Variants in PPIE observed in about 807,000 individuals in gnomAD.
PPIE encodes the protein peptidyl-prolyl cis-trans isomerase E.
A neutral mutation model predicts 38.4 loss-of-function variants in PPIE; 20 were observed. The ratio of observed to expected loss-of-function variants is 0.52; its 90% CI spans 0.37 to 0.76. The LOEUF is 0.76. Among genes scored for constraint, PPIE ranks in the 30% least tolerant of loss-of-function variants. The pLI is 0.00. For missense variants in PPIE, 322 were observed against 385.8 expected, an observed-to-expected ratio of 0.83 and a Z score of 1.39; for synonymous variants, 142 against 135.7, an observed-to-expected ratio of 1.05 and a Z score of -0.32.
intron 7 of PPIE, chr1:39,746,670 TACC>T (rs1382387159): frequency 2.6e-5 from 4 of 152,264 alleles, no homozygotes; most frequent in Admixed American, 6.5e-5. Flanking sequence ...TCTCCAGGAT[TACC>T]TGCACCCTTT....
At chr1:39,745,011 G>A (rs1415549808) in intron 6 of PPIE, among the ~76,000 whole-genome samples, 1 of 152,206 alleles carries the variant, frequency 6.6e-6, no homozygotes, top group Admixed American at 6.5e-5. Context: ...GACAGTGGGT[G>A]GGCTGGAACT....
At chr1:39,760,786 G>A (rs992064108), downstream of PPIE, among the ~76,000 whole-genome samples, 1 of 152,196 alleles carries the variant, frequency 6.6e-6, no homozygotes, top group African/African-American at 2.4e-5. Flanking sequence ...AGGGACACAT[G>A]GCAGGGGGTG....
chr1:39,754,002 T>C lies in PPIE; in HGVS notation c.*647T>C. On this transcript the variant is annotated 3_prime_UTR_variant, in exon 10 of 10. Transcript: ENST00000324379. Reference sequence around the variant, plus strand: ...TGGTTCATTTGTTTATTTGTTCACTTTCACCCTACAGATTTTAAAAAATGA... The same window carrying C: ...TGGTTCATTTGTTTATTTGTTCACTCTCACCCTACAGATTTTAAAAAATGA... 1 of 985,454 alleles carries C rather than the reference T, an allele frequency of 1.0e-6. No individual in the cohort carries two copies. Among genetic ancestry groups the C allele is most frequent in the Non-Finnish European group, 1.2e-6 (1 of 829,928 alleles). 61.0% of individuals were successfully genotyped at this position (985,454 alleles called of 1,614,324 possible).
intron 7 of PPIE, 185 bp from the exon 8 acceptor site, chr1:39,748,718 A>G (rs925210373): frequency 5.1e-6 from 3 of 591,742 alleles, no homozygotes; most frequent in Middle Eastern, 4.6e-4. Flanking sequence ...ATGGGCAACA[A>G]GAGTGAAACT....
intron 9 of PPIE, 49 bp from the exon 10 acceptor site, chr1:39,753,238 C>G (rs770697027): frequency 6.2e-7 from 1 of 1,609,224 alleles, no homozygotes; most frequent in South Asian, 1.1e-5. Flanking sequence ...TATCCCTAAA[C>G]CACTGTTAGT....
At chr1:39,751,421 G>T (rs1184346060) in intron 8 of PPIE, among the ~76,000 whole-genome samples, 1 of 152,144 alleles carries the variant, frequency 6.6e-6, no homozygotes, top group Non-Finnish European at 1.5e-5. Context: ...GTGCAGTGGT[G>T]CAAGACGGCT....
intron 6 of PPIE, among the ~76,000 whole-genome samples, chr1:39,744,966 C>T (rs1231608534): frequency 6.6e-6 from 1 of 152,154 alleles, no homozygotes; most frequent in African/African-American, 2.4e-5. Context: ...CACAGAGGGA[C>T]GAGGTGGTAC....
chr1:39,740,385 C>A, intron 2 of PPIE, 122 bp downstream of exon 2: 2 of 718,836 alleles, frequency 2.8e-6, no homozygotes, highest in South Asian at 1.9e-5. Context: ...CAGGTAAGTT[C>A]AGGAAGGTGT....
chr1:39,743,722 C>T, intron 5 of PPIE, 102 bp from the exon 6 acceptor site: 1 of 868,514 alleles, frequency 1.2e-6, no homozygotes. Flanking sequence ...AATTGTCTGG[C>T]ATACAGGCCA....
downstream of PPIE, chr1:39,760,547 C>A: frequency 6.2e-7 from 1 of 1,613,846 alleles, no homozygotes; most frequent in Non-Finnish European, 8.5e-7. Flanking sequence ...TTGGGGACTG[C>A]GTCTGGCATC....
chr1:39,754,992 C>G lies in PPIE; in HGVS notation c.*1637C>G. The G allele has an allele frequency of 1.0e-6, 1 of 985,196 alleles. No individual in the cohort carries two copies. Among genetic ancestry groups the G allele is most frequent in the South Asian group, 4.7e-5 (1 of 21,284 alleles). 61.0% of individuals were successfully genotyped at this position (985,196 alleles called of 1,614,324 possible). A position where few individuals can be genotyped will look rare whatever the true frequency, so the allele number is the denominator to read the frequency against. On this transcript the variant is annotated 3_prime_UTR_variant, in exon 10 of 10. Coordinates refer to ENST00000324379, the MANE Select transcript of PPIE (RefSeq NM_006112.4). ...GGCCTAAAATACTTACTATCTGAGC[C>G]TTTACAAAACAGGATTGCCAGCCAC...
rs1557461432 is a variant in PPIE at position 39,756,087 on chromosome 1, G to A, written c.*2732G>A. ...CTCTTCCAGGCCAGAAGGGAGGGGAGCCCCAGAGCTGGGCAGTGGCATGCC... is the reference window on the plus strand; with the variant it reads ...CTCTTCCAGGCCAGAAGGGAGGGGAACCCCAGAGCTGGGCAGTGGCATGCC... On this transcript the variant is annotated 3_prime_UTR_variant, in exon 10 of 10. Coordinates refer to ENST00000324379, the MANE Select transcript of PPIE (RefSeq NM_006112.4). The A allele has an allele frequency of 1.0e-6, 1 of 985,420 alleles. No homozygotes were observed. Among genetic ancestry groups the A allele is most frequent in the South Asian group, 4.7e-5 (1 of 21,288 alleles). 61.0% of individuals were successfully genotyped at this position (985,420 alleles called of 1,614,324 possible). A position where few individuals can be genotyped will look rare whatever the true frequency, so the allele number is the denominator to read the frequency against.
In PPIE at chr1:39,743,241, C is replaced by T; in HGVS notation, c.227C>T (p.Thr76Ile). 6.2e-7 allele frequency: 1 copy of T among 1,614,146 alleles called. No individual in the cohort carries two copies. Among genetic ancestry groups the T allele is most frequent in the Non-Finnish European group, 8.5e-7 (1 of 1,179,980 alleles). Residue 76 changes from threonine to isoleucine, a missense_variant, in exon 5 of 10, where the codon ACA becomes ATA. Thr to Ile is a moderately conservative substitution (Grantham distance 89). Transcript: ENST00000324379. ...NMNESELFGR[T>I]IRVNLAKPMR... The stretch of plus-strand genomic sequence containing the variant: ...AATGAATCTGAGCTTTTTGGACGTA[C>T]AATTCGTGTCAATTTGGCCAAACCA...
Position 39,754,890 on chromosome 1 carries a change from T to C in PPIE, c.*1535T>C, listed in dbSNP as rs1648105975. The C allele has an allele frequency of 1.2e-5, 5 of 417,138 alleles. No individual in the cohort carries two copies. Among genetic ancestry groups the C allele is most frequent in the Non-Finnish European group, 1.6e-5 (5 of 310,704 alleles). 25.8% of individuals were successfully genotyped at this position (417,138 alleles called of 1,614,324 possible). The stretch of plus-strand genomic sequence containing the variant: ...AAGAAACCATCATCACAGCAACATC[T>C]AGACTAGTGTTTGACTAAAAACTGG... On this transcript the variant is annotated 3_prime_UTR_variant, in exon 10 of 10. Coordinates refer to ENST00000324379, the MANE Select transcript of PPIE (RefSeq NM_006112.4).
intron 7 of PPIE, chr1:39,746,124 A>G (rs1647197498): frequency 6.6e-6 from 1 of 152,220 alleles, no homozygotes. Context: ...TTTAAACATT[A>G]TCTTCTGATT....
chr1:39,762,813 G>GT (rs1263673195), intron 9 of PPIE, among the ~76,000 whole-genome samples: 2 of 152,266 alleles, frequency 1.3e-5, no homozygotes, highest in African/African-American at 2.4e-5. Context: ...ACACAGGTGC[G>GT]TAAGTGTCCC....
At chr1:39,745,297 G>T in intron 6 of PPIE, 78 bp from the exon 7 acceptor site, 2 of 1,583,078 alleles carry the variant, frequency 1.3e-6, no homozygotes, top group Non-Finnish European at 1.7e-6. Flanking sequence ...TGTGTTCTGG[G>T]TGGGTGTGTA....
intron 2 of PPIE, 43 bp downstream of exon 2, chr1:39,740,306 A>T (rs954403879): frequency 4.6e-5 from 69 of 1,492,188 alleles, no homozygotes; most frequent in Non-Finnish European, 5.7e-5. Flanking sequence ...TTACTAGGAA[A>T]ATACCTTAAA....
At chr1:39,760,763 G>A (rs116465011), downstream of PPIE, among the ~76,000 whole-genome samples, 1,949 of 152,252 alleles carry the variant, frequency 0.013, 50 homozygotes, top group African/African-American at 0.044. Flanking sequence ...GTAGTAACAC[G>A]CAGTGCCCAG....
Sources: gnomAD v4.1 joint callset for allele counts (sites outside exome capture counted in the v4.1 genomes callset) on GRCh38, gnomAD v4.1.1 for gene constraint, MANE v1.5 for transcripts, NCBI Gene and HGNC (gene_info 2026-07-23, HGNC 2026-07-21) for gene names.